The following DMD variants were observed in gnomAD, a reference collection of about 807,000 sequenced individuals.
DMD encodes the protein dystrophin.
DMD carries 63 observed loss-of-function variants against 330.1 expected under a neutral mutation model. That is an observed-to-expected ratio of 0.19 (90% CI 0.16 to 0.24). The LOEUF is 0.24. DMD is among the 10% of genes least tolerant of loss of function. DMD has a pLI of 1.00. For synonymous variants in DMD, 1,223 were observed against 959.8 expected, an observed-to-expected ratio of 1.27 and a Z score of -5.07; for missense variants, 3,344 against 2,684.1, an observed-to-expected ratio of 1.25 and a Z score of -5.43.
rs149678619 is a variant in DMD at position 32,648,950 on chromosome X, T to C, written c.961-3798A>G. Among the ~76,000 whole-genome samples the C allele has an allele frequency of 5.8e-3, 648 of 111,601 alleles. 3 individuals carry two copies. Among genetic ancestry groups the C allele is most frequent in the Middle Eastern group, 0.028 (6 of 214 alleles). Reference sequence around the variant, plus strand: ...TTATAAGAAAGATAGACCCCAATCGTTTCATGAATGAAGATGCCAGTATCA... The same window carrying C: ...TTATAAGAAAGATAGACCCCAATCGCTTCATGAATGAAGATGCCAGTATCA... On this transcript the variant is annotated intron_variant, in intron 9 of 78. Coordinates refer to ENST00000357033, the MANE Select transcript of DMD (RefSeq NM_004006.3).
chrX:31,788,936 T>C (rs1409006208), intron 50 of DMD, among the ~76,000 whole-genome samples: 1 of 110,613 alleles, frequency 9.0e-6, no homozygotes, highest in African/African-American at 3.3e-5. Context: ...AATATCTTTT[T>C]CTATCTCTTC....
chrX:33,320,287 C>T (rs2053996783), intron 1 of DMD, among the ~76,000 whole-genome samples: 1 of 111,375 alleles, frequency 9.0e-6, no homozygotes, highest in South Asian at 3.8e-4. Flanking sequence ...GATGTTGGAG[C>T]AATAGCCACA....
chrX:32,322,215 G>A (rs1032787273), intron 41 of DMD, among the ~76,000 whole-genome samples: 5 of 111,333 alleles, frequency 4.5e-5, no homozygotes, highest in African/African-American at 1.3e-4. Flanking sequence ...AAATTTTCCA[G>A]AGCTAAAGAA....
At chrX:31,434,418 G>GCACACACA (rs10572572) in intron 60 of DMD, among the ~76,000 whole-genome samples, 144 of 78,058 alleles carry the variant, frequency 1.8e-3, no homozygotes, top group East Asian at 7.8e-3. Flanking sequence ...CAGCGCGCGC[G>GCACACACA]CACACACACA....
chrX:31,932,406 A>C (rs970762580), intron 45 of DMD, among the ~76,000 whole-genome samples, 179 bp from the exon 46 acceptor site: 2 of 112,379 alleles, frequency 1.8e-5, no homozygotes, highest in African/African-American at 6.5e-5. Flanking sequence ...TATTTCAAGA[A>C]TCTCTAAATG....
intron 44 of DMD, among the ~76,000 whole-genome samples, chrX:32,063,187 AACAC>A (rs113943502): frequency 6.0e-5 from 6 of 100,742 alleles, no homozygotes; most frequent in Non-Finnish European, 1.2e-4. Flanking sequence ...AAGTATGTCT[AACAC>A]ACACACACAC....
intron 74 of DMD, among the ~76,000 whole-genome samples, chrX:31,155,091 A>C (rs1276163020): frequency 8.9e-6 from 1 of 112,709 alleles, no homozygotes; most frequent in African/African-American, 3.2e-5. Context: ...AGATTAATCA[A>C]ATTGGCAAGG....
At chrX:31,585,188 T>C (rs1282580968) in intron 55 of DMD, among the ~76,000 whole-genome samples, 2 of 107,998 alleles carry the variant, frequency 1.9e-5, no homozygotes, top group Non-Finnish European at 3.8e-5. Context: ...CTGGACATGG[T>C]GGCACTTGCC....
chrX:33,251,138 C>T (rs2052766082), intron 1 of DMD, among the ~76,000 whole-genome samples: 1 of 110,861 alleles, frequency 9.0e-6, no homozygotes, highest in South Asian at 3.8e-4. Flanking sequence ...TGTATTTATT[C>T]ATGTAGCAAA....
chrX:32,322,385 A>G lies in DMD; in HGVS notation c.5923-12109T>C, dbSNP rs5927968. Among the ~76,000 whole-genome samples, 1,016 of 110,466 alleles carry G rather than the reference A, an allele frequency of 9.2e-3. 6 individuals carry two copies. The highest frequency in any genetic ancestry group is 0.015 in the Non-Finnish European group (805 of 52,779). On this transcript the variant is annotated intron_variant, in intron 41 of 78. Transcript: ENST00000357033. ...ACCAGCCTGGGCAACATAATGACAC[A>G]TCATCTCTACAAACAAATGTTTTAA...
intron 43 of DMD, among the ~76,000 whole-genome samples, chrX:32,273,648 G>C (rs1005684012): frequency 9.0e-6 from 1 of 110,846 alleles, no homozygotes; most frequent in Non-Finnish European, 1.9e-5. Context: ...CAGCTCCCAC[G>C]AAACTTCCCT....
chrX:32,310,892 G>A (rs984133449), intron 41 of DMD, among the ~76,000 whole-genome samples: 8 of 110,483 alleles, frequency 7.2e-5, no homozygotes, highest in South Asian at 3.8e-4. Flanking sequence ...AACTGACTGC[G>A]GAATTTATAT....
chrX:32,713,973 CCTGTTCTA>C (rs2065433421), intron 7 of DMD, among the ~76,000 whole-genome samples: 1 of 111,995 alleles, frequency 8.9e-6, no homozygotes, highest in Admixed American at 9.5e-5. Context: ...TAACACAAAG[CCTGTTCTA>C]TAAAAACTAA....
chrX:32,616,780 T>G (rs1355412454), intron 11 of DMD, among the ~76,000 whole-genome samples: 2 of 102,949 alleles, frequency 1.9e-5, no homozygotes, highest in African/African-American at 7.2e-5. Context: ...TCTAGGGTGT[T>G]GTAGCTTACA....
chrX:33,195,182 C>T (rs187171201), intron 1 of DMD, among the ~76,000 whole-genome samples: 1 of 111,683 alleles, frequency 9.0e-6, no homozygotes, highest in African/African-American at 3.3e-5. Context: ...GGAAAATAAG[C>T]TTAGGAATGC....
chrX:31,877,053 A>C (rs1223022797), intron 47 of DMD, among the ~76,000 whole-genome samples: 1 of 112,174 alleles, frequency 8.9e-6, no homozygotes, highest in Non-Finnish European at 1.9e-5. Flanking sequence ...TCACTAATGA[A>C]CAGTACATTG....
chrX:33,269,510 T>C (rs2053114853), intron 1 of DMD, among the ~76,000 whole-genome samples: 1 of 110,961 alleles, frequency 9.0e-6, no homozygotes, highest in Non-Finnish European at 1.9e-5. Flanking sequence ...GGGTGCAATA[T>C]ACCGTTTTAA....
intron 50 of DMD, among the ~76,000 whole-genome samples, chrX:31,787,114 T>C (rs2091343245): frequency 8.9e-6 from 1 of 112,146 alleles, no homozygotes; most frequent in African/African-American, 3.2e-5. Context: ...GGCTCATGCC[T>C]GTAATACCAG....
chrX:32,622,078 G>A lies in DMD; in HGVS notation c.1332-7625C>T, dbSNP rs550163609. Among the ~76,000 whole-genome samples the A allele has an allele frequency of 2.7e-4, 30 of 111,112 alleles. No individual in the cohort carries two copies. In the South Asian group the frequency reaches 7.3e-3, roughly 27 times the overall value. On this transcript the variant is annotated intron_variant, in intron 11 of 78. Transcript: ENST00000357033. ...ACCAAGATATTAACATTAATAGGAG[G>A]ACAACTGCCAATCCCCAGGAGATTA... is the stretch of plus-strand genomic sequence containing the variant.
Sources: allele counts gnomAD v4.1 joint callset (sites outside exome capture counted in the v4.1 genomes callset), GRCh38; gene constraint gnomAD v4.1.1; transcripts MANE v1.5; gene names NCBI Gene and HGNC (gene_info 2026-07-23, HGNC 2026-07-21).